The following CEP112 variants were observed in gnomAD, a reference collection of about 807,000 sequenced individuals.
The protein encoded by CEP112 is centrosomal protein 112.
In CEP112, 127 loss-of-function variants were observed where a neutral mutation model predicts 153.0. That is an observed-to-expected ratio of 0.83 (90% CI 0.72 to 0.96). The LOEUF is 0.96. Among genes scored for constraint, CEP112 ranks in the 40% least tolerant of loss-of-function variants. The probability of loss-of-function intolerance (pLI) is 0.00; values close to 1 mark genes in which losing one functional copy is unlikely to be tolerated. For missense variants in CEP112, 1,089 were observed against 1,101.2 expected (o/e 0.99, Z 0.16); for synonymous variants, 358 against 374.4 (o/e 0.96, Z 0.51).
intron 21 of CEP112, among the ~76,000 whole-genome samples, chr17:65,764,626 T>C (rs1356636717): frequency 6.6e-6 from 1 of 152,166 alleles, no homozygotes; most frequent in East Asian, 1.9e-4. Flanking sequence ...CAATAGCTTC[T>C]TCCATCCCTT....
intron 8 of CEP112, among the ~76,000 whole-genome samples, chr17:66,078,106 C>T (rs913880698): frequency 6.6e-6 from 1 of 152,180 alleles, no homozygotes; most frequent in Non-Finnish European, 1.5e-5. Flanking sequence ...ATTATCACAG[C>T]ACCATTTGTT....
rs371280284 is a variant in CEP112, at chr17:66,095,030, C to T, written c.768+1221G>A. On this transcript the variant is annotated intron_variant, in intron 8 of 26. Transcript: ENST00000535342. ...GGAGGGGATGTGGAGAAAAAAGAACCCTTGCCCAGTGTTGGCAGTAATGTA... is the reference window on the plus strand; with the variant it reads ...GGAGGGGATGTGGAGAAAAAAGAACTCTTGCCCAGTGTTGGCAGTAATGTA... Among the ~76,000 whole-genome samples, 44 of 152,176 alleles carry T rather than the reference C, an allele frequency of 2.9e-4. No individual in the cohort carries two copies. The East Asian group carries it at 4.3e-3, about 15-fold the overall frequency.
intron 4 of CEP112, among the ~76,000 whole-genome samples, chr17:66,146,410 CTCT>C (rs1228870610): frequency 4.6e-5 from 7 of 152,034 alleles, no homozygotes; most frequent in Non-Finnish European, 2.9e-5. Context: ...TTATAACATT[CTCT>C]TATCTTCTTA....
intron 21 of CEP112, among the ~76,000 whole-genome samples, chr17:65,805,337 GT>G (rs1328085054): frequency 6.6e-5 from 10 of 152,180 alleles, no homozygotes; most frequent in African/African-American, 2.4e-4. Flanking sequence ...CATGCTACTT[GT>G]TGTATAAACT....
chr17:65,785,106 C>A (rs1349430676), intron 21 of CEP112, among the ~76,000 whole-genome samples: 1 of 152,182 alleles, frequency 6.6e-6, no homozygotes, highest in African/African-American at 2.4e-5. Context: ...TGACCAGATT[C>A]TTTCACTTAG....
chr17:65,709,319 C>T (rs1482732254), intron 23 of CEP112, among the ~76,000 whole-genome samples: 1 of 152,210 alleles, frequency 6.6e-6, no homozygotes, highest in Non-Finnish European at 1.5e-5. Flanking sequence ...CTGATAAAGA[C>T]ATACCTGAGA....
intron 24 of CEP112, among the ~76,000 whole-genome samples, chr17:65,679,949 C>T (rs577542121): frequency 1.3e-5 from 2 of 152,294 alleles, no homozygotes; most frequent in South Asian, 4.1e-4. Flanking sequence ...ACTAAAGGGA[C>T]CAAGTTTTAT....
At chr17:66,113,402 GAA>G (rs1225226285) in intron 6 of CEP112, among the ~76,000 whole-genome samples, 2 of 151,918 alleles carry the variant, frequency 1.3e-5, no homozygotes, top group Non-Finnish European at 2.9e-5. Flanking sequence ...AAATATAAAG[GAA>G]AAAATAAAGA....
chr17:65,773,916 C>G (rs897385768), intron 21 of CEP112, among the ~76,000 whole-genome samples: 7 of 152,080 alleles, frequency 4.6e-5, no homozygotes, highest in African/African-American at 1.7e-4. Context: ...AAAACCCTGT[C>G]TCTACTAAAA....
chr17:65,640,107 G>A (rs1216618732), intron 25 of CEP112, among the ~76,000 whole-genome samples: 1 of 145,612 alleles, frequency 6.9e-6, no homozygotes, highest in Non-Finnish European at 1.5e-5. Context: ...CAAAGTGCTG[G>A]GATTACAGGC....
intron 4 of CEP112, among the ~76,000 whole-genome samples, chr17:66,140,498 T>C (rs1032233904): frequency 3.3e-5 from 5 of 152,170 alleles, no homozygotes; most frequent in Non-Finnish European, 7.4e-5. Flanking sequence ...GATGACATAA[T>C]TGTATATGCA....
chr17:66,121,153 G>A (rs1461643867), intron 6 of CEP112, among the ~76,000 whole-genome samples: 1 of 152,106 alleles, frequency 6.6e-6, no homozygotes, highest in Non-Finnish European at 1.5e-5. Flanking sequence ...GCACATGCCT[G>A]TAATCCCAGC....
chr17:66,010,143 A>T (rs577387649), intron 16 of CEP112, among the ~76,000 whole-genome samples: 2 of 151,894 alleles, frequency 1.3e-5, no homozygotes, highest in East Asian at 1.9e-4. Flanking sequence ...TCATTGAGCA[A>T]TGTTTTTTAT....
At chr17:65,784,248 G>A (rs1186635719) in intron 21 of CEP112, among the ~76,000 whole-genome samples, 1 of 152,192 alleles carries the variant, frequency 6.6e-6, no homozygotes, top group Non-Finnish European at 1.5e-5. Context: ...TTTTTGCATG[G>A]TCTAAAGTGG....
intron 10 of CEP112, among the ~76,000 whole-genome samples, chr17:66,065,787 G>C (rs1049526072): frequency 6.6e-6 from 1 of 151,760 alleles, no homozygotes; most frequent in Admixed American, 6.6e-5. Context: ...CCGCCACCAC[G>C]CCCAGCTAAT....
chr17:65,663,861 A>T (rs1201081923), intron 24 of CEP112, among the ~76,000 whole-genome samples: 2 of 152,108 alleles, frequency 1.3e-5, no homozygotes, highest in Non-Finnish European at 2.9e-5. Context: ...CTTGGCTAAC[A>T]CGGTGAAACC....
chr17:65,871,819 T>A (rs182851548), intron 20 of CEP112, among the ~76,000 whole-genome samples: 7 of 152,310 alleles, frequency 4.6e-5, no homozygotes, highest in Admixed American at 4.6e-4. Context: ...ATCTTCAGTG[T>A]CAGATGACCT....
At chr17:65,935,214 C>A (rs1592616) in intron 18 of CEP112, among the ~76,000 whole-genome samples, 3 of 151,982 alleles carry the variant, frequency 2.0e-5, no homozygotes, top group African/African-American at 7.2e-5. Flanking sequence ...ACTCATCAAA[C>A]GGATATAACA....
chr17:65,967,401 T>A lies in CEP112; in HGVS notation c.1737-5803A>T, dbSNP rs146186900. Among the ~76,000 whole-genome samples the A allele has an allele frequency of 3.7e-3, 569 of 152,326 alleles. 3 individuals are homozygous for A. Among genetic ancestry groups the A allele is most frequent in the African/African-American group, 0.013 (529 of 41,580 alleles). On this transcript the variant is annotated intron_variant, in intron 17 of 26. Coordinates refer to ENST00000535342, the MANE Select transcript of CEP112 (RefSeq NM_001199165.4). ...TAGCCTTTATTCTCAGTAAGTTAGT[T>A]TTGTTCTGGGAGCAGAAACAAGGGT... is the stretch of plus-strand genomic sequence containing the variant.
Sources: gnomAD v4.1 joint callset for allele counts (sites outside exome capture counted in the v4.1 genomes callset) on GRCh38, gnomAD v4.1.1 for gene constraint, MANE v1.5 for transcripts, NCBI Gene and HGNC (gene_info 2026-07-23, HGNC 2026-07-21) for gene names.